The following CACNA1B variants were observed in gnomAD, a reference collection of about 807,000 sequenced individuals.
The protein encoded by CACNA1B is voltage-dependent N-type calcium channel subunit alpha-1B.
Under a neutral mutation model 247.2 loss-of-function variants are expected in CACNA1B, and 70 were observed. The observed-to-expected ratio is 0.28, with a 90% confidence interval of 0.23 to 0.35. The LOEUF (loss-of-function observed/expected upper bound fraction) is 0.35. CACNA1B is among the 10% of genes least tolerant of loss of function. The pLI, the probability that CACNA1B is intolerant of heterozygous loss-of-function variation, is 1.00. For missense variants in CACNA1B, 2,367 were observed against 3,197.4 expected (o/e 0.74, Z 6.26); for synonymous variants, 1,231 against 1,294.4 (o/e 0.95, Z 1.05).
intron 38 of CACNA1B, among the ~76,000 whole-genome samples, chr9:138,104,526 C>T (rs1387449191): frequency 1.3e-5 from 2 of 152,234 alleles, no homozygotes; most frequent in African/African-American, 4.8e-5. Context: ...GGGACTAGGA[C>T]TGGACGTGGC....
In CACNA1B at chr9:138,123,137, AG is replaced by A. The variant is rs202113515; in HGVS notation, c.*1139del. The A allele has an allele frequency of 0.065, 9,869 of 152,440 alleles. 793 individuals are homozygous for A. The highest frequency in any genetic ancestry group is 0.19 in the African/African-American group (7,922 of 41,550). 9.4% of individuals were successfully genotyped at this position (152,440 alleles called of 1,614,324 possible). On this transcript the variant is annotated 3_prime_UTR_variant, in exon 47 of 47. Transcript: ENST00000371372. ...GTGAAATAGGTTTCCTTCCACATAC[AG>A]CAGAAGAGAGGCAAAGGCTGGTAGG...
intron 10 of CACNA1B, among the ~76,000 whole-genome samples, chr9:137,958,506 G>T (rs1299370378): frequency 6.6e-6 from 1 of 152,198 alleles, no homozygotes; most frequent in Non-Finnish European, 1.5e-5. Context: ...CCCTTGTCGG[G>T]TGCAACCTGG....
rs2133494974 is a variant in CACNA1B, at chr9:138,054,133, C to T, written c.3968+127C>T. 3.4e-6 allele frequency: 3 copies of T among 880,438 alleles called. No homozygotes were observed. The Admixed American group carries it at 6.4e-5, about 19-fold the overall frequency. The allele number at this position is 880,438 out of a possible 1,614,324, so 54.5% of individuals were successfully genotyped here. ...GACTCCACTGCAGAGCATCACGGACCCTGCCTGAGGGCCGAGGAGGGGCTT... is the reference window on the plus strand; with the variant it reads ...GACTCCACTGCAGAGCATCACGGACTCTGCCTGAGGGCCGAGGAGGGGCTT... On this transcript the variant is annotated intron_variant, in intron 26 of 46. Transcript: ENST00000371372. This position sits in a 1 kb window ranked among gnomAD's most constrained non-coding sequence, Gnocchi z 4.6.
chr9:138,076,571 G>C (rs915204038), intron 35 of CACNA1B, among the ~76,000 whole-genome samples: 1 of 152,224 alleles, frequency 6.6e-6, no homozygotes, highest in African/African-American at 2.4e-5. Context: ...TCTCCTGGTG[G>C]AGATGTGCCA....
chr9:137,936,557 G>A (rs1006851732), intron 6 of CACNA1B, among the ~76,000 whole-genome samples: 5 of 152,198 alleles, frequency 3.3e-5, no homozygotes, highest in Non-Finnish European at 7.3e-5. Context: ...CCTTGCCCAT[G>A]TCTATGTCCT....
chr9:138,034,917 C>A (rs1280883571), intron 20 of CACNA1B, among the ~76,000 whole-genome samples: 1 of 152,130 alleles, frequency 6.6e-6, no homozygotes, highest in Non-Finnish European at 1.5e-5. Flanking sequence ...ATAAGGGTTA[C>A]TTGAACATAA....
intron 3 of CACNA1B, among the ~76,000 whole-genome samples, chr9:137,902,737 A>G (rs887568611): frequency 3.3e-5 from 5 of 152,118 alleles, no homozygotes; most frequent in African/African-American, 1.2e-4. Flanking sequence ...TACACAATTG[A>G]TATCACCCTC....
In CACNA1B at chr9:138,012,588, CT is replaced by C; in HGVS notation, c.2161-539del. On this transcript the variant is annotated intron_variant, in intron 17 of 46. Coordinates refer to ENST00000371372, the MANE Select transcript of CACNA1B (RefSeq NM_000718.4). The surrounding 1 kb of genome is among the most constrained non-coding windows in gnomAD (Gnocchi z 4.2). Reference sequence around the variant, plus strand: ...ATTTAGCCAGTCGTGATGACACGTGCTTGGAGTCCCAGCTGCATGGGAGGCT... The same window carrying C: ...ATTTAGCCAGTCGTGATGACACGTGCTGGAGTCCCAGCTGCATGGGAGGCT... Among the ~76,000 whole-genome samples, 1 of 151,942 alleles carries C rather than the reference CT, an allele frequency of 6.6e-6. No individual in the cohort carries two copies. Among genetic ancestry groups the C allele is most frequent in the East Asian group, 1.9e-4 (1 of 5,148 alleles).
Position 138,121,401 on chromosome 9 carries a change from C to T in CACNA1B, c.6490-68C>T. The T allele has an allele frequency of 7.9e-6, 10 of 1,268,404 alleles. No individual in the cohort carries two copies. Among genetic ancestry groups the T allele is most frequent in the Middle Eastern group, 2.0e-4 (1 of 5,066 alleles). The allele number at this position is 1,268,404 out of a possible 1,614,324, so 78.6% of individuals were successfully genotyped here. A position where few individuals can be genotyped will look rare whatever the true frequency, so the allele number is the denominator to read the frequency against. ...CCCAGGCACCTGTGTGTGATGTGCT[C>T]TGTCTGTTGGTTCGGCTTTTTTTTT... On this transcript the variant is annotated intron_variant, in intron 46 of 46. Transcript: ENST00000371372. The surrounding 1 kb of genome is among the most constrained non-coding windows in gnomAD (Gnocchi z 6.8).
rs2133491606 is a variant in CACNA1B at position 138,052,664 on chromosome 9, T to A, written c.3807+476T>A. Among the ~76,000 whole-genome samples, 1 of 152,362 alleles carries A rather than the reference T, an allele frequency of 6.6e-6. No individual in the cohort carries two copies. The highest frequency in any genetic ancestry group is 2.4e-5 in the African/African-American group (1 of 41,588). On this transcript the variant is annotated intron_variant, in intron 25 of 46. Transcript: ENST00000371372. The surrounding 1 kb of genome is among the most constrained non-coding windows in gnomAD (Gnocchi z 5.1). ...AATTGCTTCATGTGCTTCAGCTCAC[T>A]TAATCTCCCAAACCTTTATGCAGCA...
chr9:138,085,761 A>G (rs893018735), intron 36 of CACNA1B, among the ~76,000 whole-genome samples: 1 of 151,310 alleles, frequency 6.6e-6, no homozygotes, highest in East Asian at 2.0e-4. Context: ...AGGAAAACAA[A>G]AAACAAACTG....
At chr9:137,923,832 C>T (rs1027628224) in intron 6 of CACNA1B, among the ~76,000 whole-genome samples, 11 of 152,112 alleles carry the variant, frequency 7.2e-5, no homozygotes, top group African/African-American at 2.7e-4. Context: ...TTATTTTAGC[C>T]ATTCTGATAG....
At chr9:137,903,968 A>G (rs1957268807) in intron 3 of CACNA1B, among the ~76,000 whole-genome samples, 1 of 152,222 alleles carries the variant, frequency 6.6e-6, no homozygotes, top group Non-Finnish European at 1.5e-5. Flanking sequence ...CCTTCTGGGT[A>G]GAGCTGGGCA....
In CACNA1B at chr9:138,122,122, T is replaced by G. The variant is rs1158721614; in HGVS notation, c.*123T>G. The G allele has an allele frequency of 1.2e-6, 1 of 830,826 alleles. No individual in the cohort carries two copies. Among genetic ancestry groups the G allele is most frequent in the Non-Finnish European group, 1.8e-6 (1 of 545,552 alleles). The allele number at this position is 830,826 out of a possible 1,614,324, so 51.5% of individuals were successfully genotyped here. A position where few individuals can be genotyped will look rare whatever the true frequency, so the allele number is the denominator to read the frequency against. On this transcript the variant is annotated 3_prime_UTR_variant, in exon 47 of 47. Coordinates refer to ENST00000371372, the MANE Select transcript of CACNA1B (RefSeq NM_000718.4). ...CTTGCCCACCTTGGTGAGGCTCCTG[T>G]GGCCCCTCCCTCCCCCTCCTCCCCT...
Position 137,957,341 on chromosome 9 carries a change from C to G in CACNA1B, c.1244-257C>G, listed in dbSNP as rs1419696147. 6.6e-6 allele frequency among the ~76,000 whole-genome samples: 1 copy of G among 152,216 alleles called. No homozygotes were observed. Among genetic ancestry groups the G allele is most frequent in the Non-Finnish European group, 1.5e-5 (1 of 68,040 alleles). On this transcript the variant is annotated intron_variant, in intron 9 of 46. Transcript: ENST00000371372. This position sits in a 1 kb window ranked among gnomAD's most constrained non-coding sequence, Gnocchi z 4.7. ...GGACGTTTCCTGGTCTCCCTGGTGG[C>G]CAGGCCTCCCCACTGGCCTCATTTT...
chr9:138,118,705 C>T lies in CACNA1B; in HGVS notation c.5967C>T (p.Pro1989=), dbSNP rs200706575. ...SITRRGPDGE[P]QPGLESQGRA... ...CCCGGAGGGGCCCTGATGGGGAGCC[C>T]CAGCCTGGGCTGGAGAGCCAGGGTC... The change falls in exon 44 of 47, where the codon CCC becomes CCT. Residue 1989 remains proline, a synonymous_variant. Coordinates refer to ENST00000371372, the MANE Select transcript of CACNA1B (RefSeq NM_000718.4). The T allele has an allele frequency of 1.3e-6, 2 of 1,565,982 alleles. No homozygotes were observed. Among genetic ancestry groups the T allele is most frequent in the Non-Finnish European group, 8.6e-7 (1 of 1,156,522 alleles).
At chr9:137,991,618 C>T (rs1274018804) in intron 15 of CACNA1B, among the ~76,000 whole-genome samples, 1 of 152,158 alleles carries the variant, frequency 6.6e-6, no homozygotes, top group African/African-American at 2.4e-5. Flanking sequence ...GAATTCATCA[C>T]CTAGGCACAT....
chr9:138,056,056 C>T (rs1035197885), intron 26 of CACNA1B, among the ~76,000 whole-genome samples: 1 of 151,832 alleles, frequency 6.6e-6, no homozygotes, highest in Admixed American at 6.6e-5. Context: ...AACAAAAAAA[C>T]AGCTTTATTG....
chr9:137,930,904 A>T (rs764073125), intron 6 of CACNA1B, among the ~76,000 whole-genome samples: 2 of 151,360 alleles, frequency 1.3e-5, no homozygotes, highest in African/African-American at 2.4e-5. Context: ...TAATCTAGCC[A>T]CTCCAATTTA....
Sources: allele counts gnomAD v4.1 joint callset (sites outside exome capture counted in the v4.1 genomes callset), GRCh38; gene constraint gnomAD v4.1.1; non-coding constraint Gnocchi (gnomAD v3.1); transcripts MANE v1.5; gene names NCBI Gene and HGNC (gene_info 2026-07-23, HGNC 2026-07-21).